Variants in THRAP3 observed in about 807,000 individuals in gnomAD.
THRAP3 encodes thyroid hormone receptor-associated protein 3.
In THRAP3, 16 loss-of-function variants were observed where a neutral mutation model predicts 101.0. The observed-to-expected ratio is 0.16, with a 90% CI of 0.11 to 0.24. The LOEUF is 0.24. Among genes scored for constraint, THRAP3 ranks in the 10% least tolerant of loss-of-function variants. THRAP3 has a pLI of 1.00. For synonymous variants in THRAP3, 407 were observed against 422.6 expected (o/e 0.96, Z 0.45); for missense variants, 989 against 1,202.7 (o/e 0.82, Z 2.63).
intron 1 of THRAP3, among the ~76,000 whole-genome samples, chr1:36,252,661 G>A (rs186197806): frequency 1.1e-3 from 164 of 151,800 alleles, no homozygotes; most frequent in East Asian, 2.9e-3. Context: ...CAATCCCAGC[G>A]CTTTGGGAGG....
At chr1:36,251,864 G>A (rs1415822561) in intron 1 of THRAP3, among the ~76,000 whole-genome samples, 2 of 152,218 alleles carry the variant, frequency 1.3e-5, no homozygotes, top group Non-Finnish European at 2.9e-5. Context: ...CAGATAGTGA[G>A]ATTTAATTAA....
intron 1 of THRAP3, among the ~76,000 whole-genome samples, chr1:36,258,967 G>A (rs536154318): frequency 1.3e-5 from 2 of 152,100 alleles, no homozygotes; most frequent in Non-Finnish European, 2.9e-5. Flanking sequence ...TGCTTTTATG[G>A]GTAGGTACGG....
intron 9 of THRAP3, 82 bp downstream of exon 9, chr1:36,296,852 C>A: frequency 8.4e-7 from 1 of 1,194,722 alleles, no homozygotes; most frequent in Non-Finnish European, 1.1e-6. Context: ...ACTTTCAAAT[C>A]AGAGGAGTTT....
chr1:36,215,172 C>T, the THRAP3 span, among the ~76,000 whole-genome samples: 4 of 151,742 alleles, frequency 2.6e-5, no homozygotes, highest in African/African-American at 7.3e-5. Flanking sequence ...TGCAGTGAGC[C>T]GAGACTGCGC....
chr1:36,291,936 G>A (rs1645873230), intron 6 of THRAP3, among the ~76,000 whole-genome samples: 1 of 152,128 alleles, frequency 6.6e-6, no homozygotes, highest in African/African-American at 2.4e-5. Context: ...ATGGGGTTGG[G>A]CAAGTTAGGG....
At chr1:36,289,884 CT>C in intron 5 of THRAP3, 120 bp downstream of exon 5, 1 of 1,338,294 alleles carries the variant, frequency 7.5e-7, no homozygotes, top group East Asian at 2.5e-5. Flanking sequence ...AGTGGTGATA[CT>C]TTCATGTCCA....
intron 1 of THRAP3, among the ~76,000 whole-genome samples, chr1:36,252,964 AT>A (rs1557819475): frequency 8.3e-4 from 111 of 133,962 alleles, no homozygotes; most frequent in South Asian, 2.3e-3. Flanking sequence ...ATATATATAT[AT>A]ATATAAATGT....
At chr1:36,268,605 C>G (rs1419963198) in intron 2 of THRAP3, among the ~76,000 whole-genome samples, 2 of 152,070 alleles carry the variant, frequency 1.3e-5, no homozygotes, top group South Asian at 4.1e-4. Flanking sequence ...TGGGCTCAAG[C>G]GATACTCCTG....
intron 2 of THRAP3, among the ~76,000 whole-genome samples, chr1:36,261,932 G>A (rs191700796): frequency 6.6e-6 from 1 of 152,194 alleles, no homozygotes; most frequent in African/African-American, 2.4e-5. Flanking sequence ...ACTAGAAATG[G>A]CAAGTATAAA....
At chr1:36,246,432 C>T (rs11578094) in intron 1 of THRAP3, among the ~76,000 whole-genome samples, 44,575 of 152,020 alleles carry the variant, frequency 0.29, 7,569 homozygotes, top group Middle Eastern at 0.45. Context: ...GGGGTTTCAC[C>T]ATGTTGGCCA....
At position 36,297,444 on chromosome 1, in the gene THRAP3, ATT is replaced by A. The variant is rs764365723; in HGVS notation, c.2303+695_2303+696del. Among the ~76,000 whole-genome samples the A allele has an allele frequency of 3.3e-3, 404 of 122,338 alleles. 1 individual carries two copies. Among genetic ancestry groups the A allele is most frequent in the African/African-American group, 0.012 (380 of 32,086 alleles). 80.3% of individuals were successfully genotyped at this position (122,338 alleles called of 152,430 possible). A position where few individuals can be genotyped will look rare whatever the true frequency, so the allele number is the denominator to read the frequency against. On this transcript the variant is annotated intron_variant, in intron 9 of 11. Coordinates refer to ENST00000354618, the MANE Select transcript of THRAP3 (RefSeq NM_005119.4). ...TGATTTTGAACTTTAGCTGGCAAGC[ATT>A]TTTTTTTTTTTTTTTTTTTTGAGAT...
rs58340320 is a variant in THRAP3 at position 36,243,151 on chromosome 1, CTTTTTTTTTTTTT to C, written c.-134-16221_-134-16209del. Among the ~76,000 whole-genome samples, 11 of 60,866 alleles carry C rather than the reference CTTTTTTTTTTTTT, an allele frequency of 1.8e-4. No homozygotes were observed. The South Asian group carries it at 3.1e-3, about 17-fold the overall frequency. 39.9% of individuals were successfully genotyped at this position (60,866 alleles called of 152,430 possible). On this transcript the variant is annotated intron_variant, in intron 1 of 11. Transcript: ENST00000354618. ...TAAGATGCATTTTGTGAGGAACTTT[CTTTTTTTTTTTTT>C]TTTTTTTTTGCTCTGAGCCCAAATG...
intron 2 of THRAP3, among the ~76,000 whole-genome samples, chr1:36,278,961 T>C (rs1447289335): frequency 6.6e-6 from 1 of 151,708 alleles, no homozygotes; most frequent in Non-Finnish European, 1.5e-5. Context: ...ATAAAATAAA[T>C]ACATAAATAA....
chr1:36,257,687 GA>G (rs1264140268), intron 1 of THRAP3, among the ~76,000 whole-genome samples: 1 of 152,196 alleles, frequency 6.6e-6, no homozygotes, highest in African/African-American at 2.4e-5. Context: ...ATGGGGAATT[GA>G]AGACTTGTTG....
At chr1:36,243,151 C>CTTTTTTT (rs58340320) in intron 1 of THRAP3, among the ~76,000 whole-genome samples, 20 of 60,712 alleles carry the variant, frequency 3.3e-4, no homozygotes, top group South Asian at 6.2e-4. Context: ...GAGGAACTTT[C>CTTTTTTT]TTTTTTTTTT....
chr1:36,259,978 C>T (rs538948306), intron 2 of THRAP3, among the ~76,000 whole-genome samples: 24 of 151,974 alleles, frequency 1.6e-4, no homozygotes, highest in Admixed American at 1.5e-3. Context: ...CGTGGTGGCT[C>T]CTGACTGTAA....
intron 2 of THRAP3, among the ~76,000 whole-genome samples, chr1:36,279,159 G>A (rs1645701100): frequency 6.6e-6 from 1 of 152,028 alleles, no homozygotes; most frequent in Non-Finnish European, 1.5e-5. Flanking sequence ...TAGCTTCTTA[G>A]TTTTCTAGTT....
chr1:36,244,955 C>T (rs910143204), intron 1 of THRAP3, among the ~76,000 whole-genome samples: 2 of 151,930 alleles, frequency 1.3e-5, no homozygotes, highest in Admixed American at 6.6e-5. Flanking sequence ...CTCCTGACCT[C>T]GTGATCCACC....
chr1:36,256,692 C>G (rs1455984357), intron 1 of THRAP3, among the ~76,000 whole-genome samples: 1 of 152,176 alleles, frequency 6.6e-6, no homozygotes, highest in Non-Finnish European at 1.5e-5. Flanking sequence ...CCCTCATTAC[C>G]CAGAGGAAAA....
Sources: gnomAD v4.1 joint callset for allele counts (sites outside exome capture counted in the v4.1 genomes callset) on GRCh38, gnomAD v4.1.1 for gene constraint, MANE v1.5 for transcripts, NCBI Gene and HGNC (gene_info 2026-07-23, HGNC 2026-07-21) for gene names.